ENOX1: variants seen among roughly 807,000 people sequenced by gnomAD.
The protein encoded by ENOX1 is candidate growth-related and time keeping constitutive hydroquinone (NADH) oxidase.
ENOX1 carries 42 observed loss-of-function variants against 82.5 expected under a neutral mutation model. That is an observed-to-expected ratio of 0.51 (90% confidence interval 0.40 to 0.66). The LOEUF (loss-of-function observed/expected upper bound fraction) is 0.66, where lower values mean the gene tolerates loss of function less well. Ranked by LOEUF, ENOX1 falls within the 30% of genes least tolerant of loss-of-function variation. The pLI is 0.00. For missense variants in ENOX1, 608 were observed against 811.6 expected (o/e 0.75, Z 3.05); for synonymous variants, 271 against 282.2 (o/e 0.96, Z 0.40).
intron 1 of ENOX1, among the ~76,000 whole-genome samples, chr13:43,709,611 G>C (rs868428330): frequency 2.0e-5 from 3 of 151,418 alleles, no homozygotes; most frequent in South Asian, 4.2e-4. Context: ...AGATGAGGAG[G>C]AGAGAAGGAG....
At chr13:43,296,161 C>T (rs1306076159) in intron 12 of ENOX1, among the ~76,000 whole-genome samples, 1 of 152,198 alleles carries the variant, frequency 6.6e-6, no homozygotes, top group Non-Finnish European at 1.5e-5. Context: ...TGCCCCCCAG[C>T]CCCAAATCCA....
chr13:43,549,209 T>C (rs1488704112), intron 2 of ENOX1, among the ~76,000 whole-genome samples: 1 of 152,222 alleles, frequency 6.6e-6, no homozygotes, highest in African/African-American at 2.4e-5. Flanking sequence ...TCAGAGTGTA[T>C]CAATCAGTCC....
intron 10 of ENOX1, among the ~76,000 whole-genome samples, chr13:43,325,822 T>C (rs930136333): frequency 3.9e-5 from 6 of 152,154 alleles, no homozygotes; most frequent in Admixed American, 6.5e-5. Context: ...TCCTTCTAAG[T>C]GGCAAGGAGG....
chr13:43,369,086 G>A (rs933377588), intron 5 of ENOX1, among the ~76,000 whole-genome samples: 11 of 151,624 alleles, frequency 7.3e-5, no homozygotes, highest in Admixed American at 2.0e-4. Flanking sequence ...TGTTGACTTC[G>A]GACTTGATAA....
intron 12 of ENOX1, among the ~76,000 whole-genome samples, chr13:43,294,430 A>T (rs546895107): frequency 1.4e-4 from 22 of 152,352 alleles, no homozygotes; most frequent in African/African-American, 5.3e-4. Context: ...CCATAATGAG[A>T]TATCACTATA....
At chr13:43,346,474 C>T (rs559860464) in intron 8 of ENOX1, among the ~76,000 whole-genome samples, 2 of 152,312 alleles carry the variant, frequency 1.3e-5, no homozygotes, top group Non-Finnish European at 2.9e-5. Context: ...CCACAAAACA[C>T]CCTGTGAATG....
At chr13:43,236,445 C>A (rs1294402336) in intron 15 of ENOX1, among the ~76,000 whole-genome samples, 191 bp downstream of exon 15, 1 of 152,148 alleles carries the variant, frequency 6.6e-6, no homozygotes, top group Non-Finnish European at 1.5e-5. Flanking sequence ...TATACAGTTA[C>A]AGAAAGGCAA....
chr13:43,246,482 G>A (rs1230287402), intron 14 of ENOX1, among the ~76,000 whole-genome samples: 1 of 152,222 alleles, frequency 6.6e-6, no homozygotes, highest in Non-Finnish European at 1.5e-5. Context: ...GAGCAGGGAG[G>A]AAGCCACCCA....
intron 11 of ENOX1, among the ~76,000 whole-genome samples, chr13:43,308,300 CT>C (rs1253007704): frequency 6.6e-6 from 1 of 152,170 alleles, no homozygotes; most frequent in Non-Finnish European, 1.5e-5. Context: ...TTCTTTGCTC[CT>C]TTATCATTGC....
intron 1 of ENOX1, among the ~76,000 whole-genome samples, chr13:43,741,010 T>C (rs2089882167): frequency 6.6e-6 from 1 of 152,162 alleles, no homozygotes; most frequent in South Asian, 2.1e-4. Flanking sequence ...AGGAGAAGAA[T>C]TGCTAGGTCA....
Position 43,256,951 on chromosome 13 carries a change from T to TATATATACAC in ENOX1, c.1611+8446_1611+8447insGTGTATATAT, listed in dbSNP as rs1434669480. ...ATAAAGAAACTGTGATATATATATATACACACAATGGAATACTATTTAGCC... is the reference window on the plus strand; with the variant it reads ...ATAAAGAAACTGTGATATATATATATATATATACACACACACAATGGAATACTATTTAGCC... On this transcript the variant is annotated intron_variant, in intron 14 of 16. Transcript: ENST00000690772. 1.6e-3 allele frequency among the ~76,000 whole-genome samples: 240 copies of TATATATACAC among 152,316 alleles called. 1 individual carries two copies. Among genetic ancestry groups the TATATATACAC allele is most frequent in the African/African-American group, 5.6e-3 (232 of 41,564 alleles).
intron 3 of ENOX1, among the ~76,000 whole-genome samples, chr13:43,475,879 A>G (rs1487471804): frequency 6.6e-6 from 1 of 151,970 alleles, no homozygotes; most frequent in African/African-American, 2.4e-5. Context: ...TCTAAGATAT[A>G]CAGCTCTTAA....
intron 5 of ENOX1, among the ~76,000 whole-genome samples, chr13:43,364,896 T>C (rs1402729554): frequency 6.6e-6 from 1 of 152,126 alleles, no homozygotes; most frequent in Non-Finnish European, 1.5e-5. Flanking sequence ...GGAGAGAGCC[T>C]GGTAGGCCTG....
At chr13:43,590,447 G>A (rs2081192883) in intron 2 of ENOX1, among the ~76,000 whole-genome samples, 1 of 152,110 alleles carries the variant, frequency 6.6e-6, no homozygotes, top group Admixed American at 6.5e-5. Context: ...CAAACATGGT[G>A]AACATAAAAC....
chr13:43,402,638 A>C (rs2053562892), intron 5 of ENOX1, among the ~76,000 whole-genome samples: 2 of 152,246 alleles, frequency 1.3e-5, no homozygotes, highest in African/African-American at 4.8e-5. Flanking sequence ...GCTGCAGAAT[A>C]ATAAAAGGAA....
intron 2 of ENOX1, among the ~76,000 whole-genome samples, chr13:43,573,576 T>C (rs1368780493): frequency 6.6e-6 from 1 of 152,190 alleles, no homozygotes; most frequent in African/African-American, 2.4e-5. Context: ...AATGTGTGTG[T>C]TCTCATGCCC....
At chr13:43,431,308 C>T (rs1176206647) in intron 3 of ENOX1, among the ~76,000 whole-genome samples, 1 of 152,118 alleles carries the variant, frequency 6.6e-6, no homozygotes, top group Non-Finnish European at 1.5e-5. Flanking sequence ...TTCCTTGAGC[C>T]TAGCAAGTGT....
chr13:43,328,677 A>G (rs1400514771), intron 9 of ENOX1, among the ~76,000 whole-genome samples: 1 of 152,230 alleles, frequency 6.6e-6, no homozygotes, highest in Non-Finnish European at 1.5e-5. Flanking sequence ...GAAGGACCCA[A>G]TGGCCCAATA....
At chr13:43,757,952 T>G (rs1950745254) in intron 1 of ENOX1, among the ~76,000 whole-genome samples, 1 of 151,896 alleles carries the variant, frequency 6.6e-6, no homozygotes, top group Non-Finnish European at 1.5e-5. Flanking sequence ...CTCAACAGAT[T>G]GGCCGGGTGC....
Sources: gnomAD v4.1 joint callset for allele counts (sites outside exome capture counted in the v4.1 genomes callset) on GRCh38, gnomAD v4.1.1 for gene constraint, MANE v1.5 for transcripts, NCBI Gene and HGNC (gene_info 2026-07-23, HGNC 2026-07-21) for gene names.